The following ERC2 variants were observed in gnomAD, a reference collection of about 807,000 sequenced individuals.
ERC2 encodes the protein ERC protein 2.
ERC2 carries 42 observed loss-of-function variants against 114.8 expected under a neutral mutation model. That is an observed-to-expected ratio of 0.37 (90% CI 0.29 to 0.47). The LOEUF (loss-of-function observed/expected upper bound fraction) is 0.47, where lower values mean the gene tolerates loss of function less well. Ranked by LOEUF, ERC2 falls within the 20% of genes least tolerant of loss-of-function variation. The pLI is 0.99. For missense variants in ERC2, 939 were observed against 1,150.7 expected (o/e 0.82, Z 2.66); for synonymous variants, 454 against 425.5 (o/e 1.07, Z -0.82).
At chr3:55,761,499 T>C (rs2067426864) in intron 14 of ERC2, among the ~76,000 whole-genome samples, 1 of 152,168 alleles carries the variant, frequency 6.6e-6, no homozygotes, top group Admixed American at 6.5e-5. Flanking sequence ...TGCAGCTACT[T>C]GACTCCGCTG....
chr3:55,641,670 G>A (rs577112396), intron 17 of ERC2, among the ~76,000 whole-genome samples: 10 of 149,168 alleles, frequency 6.7e-5, no homozygotes, highest in African/African-American at 2.0e-4. Context: ...CAGATAGCCT[G>A]TATAGGTTCC....
chr3:56,221,876 G>A (rs1209358744), intron 3 of ERC2, among the ~76,000 whole-genome samples: 3 of 151,614 alleles, frequency 2.0e-5, no homozygotes, highest in African/African-American at 4.8e-5. Flanking sequence ...CAGCCTGGGC[G>A]ACAGAGCAAG....
chr3:56,343,192 T>TCTCTCTCTCTCTCTCACACA (rs1376220124), intron 2 of ERC2, among the ~76,000 whole-genome samples: 56 of 126,208 alleles, frequency 4.4e-4, no homozygotes, highest in African/African-American at 1.6e-3. Flanking sequence ...TCTCTCTCTC[T>TCTCTCTCTCTCTCTCACACA]CACACACACA....
chr3:55,582,484 T>C (rs374676916), intron 17 of ERC2, among the ~76,000 whole-genome samples: 2 of 152,354 alleles, frequency 1.3e-5, no homozygotes, highest in African/African-American at 4.8e-5. Flanking sequence ...AGCAGTTATA[T>C]CCAGAAGTTG....
At chr3:56,050,671 A>G (rs887895133) in intron 7 of ERC2, among the ~76,000 whole-genome samples, 3 of 152,078 alleles carry the variant, frequency 2.0e-5, no homozygotes, top group Admixed American at 6.6e-5. Context: ...GAGTCCTCCC[A>G]TATTCTCTCA....
intron 17 of ERC2, among the ~76,000 whole-genome samples, chr3:55,625,786 A>T (rs1186754080): frequency 6.6e-6 from 1 of 152,168 alleles, no homozygotes; most frequent in Non-Finnish European, 1.5e-5. Flanking sequence ...AAAAAAGATG[A>T]CACATTGTAC....
At chr3:56,049,083 G>A (rs1486905268) in intron 7 of ERC2, among the ~76,000 whole-genome samples, 1 of 152,172 alleles carries the variant, frequency 6.6e-6, no homozygotes, top group Non-Finnish European at 1.5e-5. Context: ...AGGCCAGTAA[G>A]GCAGGCATAG....
intron 4 of ERC2, among the ~76,000 whole-genome samples, chr3:56,171,713 A>G (rs2082677203): frequency 1.3e-5 from 2 of 151,910 alleles, no homozygotes; most frequent in Admixed American, 1.3e-4. Context: ...GATCAAACAG[A>G]TTTTTCTACT....
intron 15 of ERC2, among the ~76,000 whole-genome samples, chr3:55,712,413 G>C (rs1426338741): frequency 6.6e-6 from 1 of 152,168 alleles, no homozygotes; most frequent in Non-Finnish European, 1.5e-5. Flanking sequence ...TTGATATGCT[G>C]GGATGTGAAC....
chr3:55,665,890 A>T (rs2061339037), intron 17 of ERC2, among the ~76,000 whole-genome samples: 1 of 152,182 alleles, frequency 6.6e-6, no homozygotes, highest in African/African-American at 2.4e-5. Context: ...AGGCTCACAG[A>T]GGCTGAGCTA....
chr3:55,609,296 G>A (rs2058781636), intron 17 of ERC2, among the ~76,000 whole-genome samples: 1 of 152,138 alleles, frequency 6.6e-6, no homozygotes, highest in Admixed American at 6.5e-5. Flanking sequence ...CAGGGGGTGT[G>A]TCCTAAATTA....
intron 4 of ERC2, among the ~76,000 whole-genome samples, chr3:56,152,421 G>C (rs925159037): frequency 4.6e-5 from 7 of 151,954 alleles, no homozygotes; most frequent in South Asian, 2.1e-4. Context: ...AAATGAAGGG[G>C]GGGGGGCGCT....
intron 10 of ERC2, among the ~76,000 whole-genome samples, chr3:55,992,999 T>C (rs1042506479): frequency 6.6e-6 from 1 of 152,002 alleles, no homozygotes; most frequent in South Asian, 2.1e-4. Context: ...AGCAACAACA[T>C]TGCAGAATAA....
At chr3:55,572,411 C>T (rs1010536816) in intron 17 of ERC2, among the ~76,000 whole-genome samples, 6 of 152,190 alleles carry the variant, frequency 3.9e-5, no homozygotes, top group African/African-American at 1.4e-4. Flanking sequence ...AATATCATCT[C>T]CCACGAGCAC....
intron 2 of ERC2, among the ~76,000 whole-genome samples, chr3:56,428,234 C>T (rs1292519306): frequency 6.6e-6 from 1 of 152,098 alleles, no homozygotes; most frequent in Non-Finnish European, 1.5e-5. Flanking sequence ...TGAAATGGCC[C>T]TGCAGGCTGG....
intron 10 of ERC2, among the ~76,000 whole-genome samples, chr3:56,000,321 C>T (rs1035672387): frequency 2.0e-5 from 3 of 151,674 alleles, no homozygotes; most frequent in African/African-American, 7.3e-5. Flanking sequence ...GTGAGGAAAG[C>T]CTAAAGAAAA....
chr3:56,048,936 C>T (rs1038214057), intron 7 of ERC2, among the ~76,000 whole-genome samples: 3 of 152,110 alleles, frequency 2.0e-5, no homozygotes, highest in African/African-American at 4.8e-5. Context: ...TGGGTATTCA[C>T]GAAGACCTCT....
chr3:56,338,066 C>G (rs1209214441), intron 2 of ERC2, among the ~76,000 whole-genome samples: 2 of 152,064 alleles, frequency 1.3e-5, no homozygotes, highest in African/African-American at 4.8e-5. Flanking sequence ...AGCAAATTAA[C>G]TCTAGCATTT....
intron 6 of ERC2, among the ~76,000 whole-genome samples, chr3:56,124,774 A>G (rs536652068): frequency 2.0e-5 from 3 of 152,340 alleles, no homozygotes; most frequent in African/African-American, 7.2e-5. Flanking sequence ...GGACATAAAA[A>G]TATGTGGAGA....
Sources: allele counts gnomAD v4.1 joint callset (sites outside exome capture counted in the v4.1 genomes callset), GRCh38; gene constraint gnomAD v4.1.1; transcripts MANE v1.5; gene names NCBI Gene and HGNC (gene_info 2026-07-23, HGNC 2026-07-21).